The following FUT8 variants were observed in gnomAD, a reference collection of about 807,000 sequenced individuals.
The protein encoded by FUT8 is fucosyltransferase 8, also known as alpha-(1,6)-fucosyltransferase.
FUT8 carries 29 observed loss-of-function variants against 71.3 expected under a neutral mutation model. That is an observed-to-expected ratio of 0.41 (90% CI 0.30 to 0.55). The LOEUF (loss-of-function observed/expected upper bound fraction) is 0.55, where lower values mean the gene tolerates loss of function less well. FUT8 is among the 20% of genes least tolerant of loss of function. The pLI, the probability that FUT8 is intolerant of heterozygous loss-of-function variation, is 0.34. For synonymous variants in FUT8, 254 were observed against 239.3 expected, an observed-to-expected ratio of 1.06 and a Z score of -0.57; for missense variants, 544 against 702.1, an observed-to-expected ratio of 0.77 and a Z score of 2.55.
At chr14:65,526,726 C>T (rs1883496901) in intron 2 of FUT8, among the ~76,000 whole-genome samples, 1 of 152,120 alleles carries the variant, frequency 6.6e-6, no homozygotes, top group Non-Finnish European at 1.5e-5. Context: ...ATGTTTAGTG[C>T]TTCCTTCAGG....
In FUT8 at chr14:65,413,860, C is replaced by T. The variant is rs909325320; in HGVS notation, c.-326+646C>T. Among the ~76,000 whole-genome samples, 2 of 152,100 alleles carry T rather than the reference C, an allele frequency of 1.3e-5. No homozygotes were observed. Among genetic ancestry groups the T allele is most frequent in the Non-Finnish European group, 1.5e-5 (1 of 68,024 alleles). ...TATTTATCAGTTCTAGGAGGTTTGT[C>T]CTGCAGGATTGAGTGGGTTGTCGGG... On this transcript the variant is annotated intron_variant, in intron 1 of 10. Transcript: ENST00000673929. This position sits in a 1 kb window ranked among gnomAD's most constrained non-coding sequence, Gnocchi z 4.1.
chr14:65,613,569 T>C (rs1488945939), intron 3 of FUT8, among the ~76,000 whole-genome samples: 4 of 152,216 alleles, frequency 2.6e-5, no homozygotes, highest in Non-Finnish European at 5.9e-5. Flanking sequence ...TTCATTCATA[T>C]TCTGTAGCCT....
At chr14:65,617,788 A>G (rs189116333) in intron 5 of FUT8, among the ~76,000 whole-genome samples, 3 of 151,930 alleles carry the variant, frequency 2.0e-5, no homozygotes, top group African/African-American at 7.2e-5. Context: ...TACCAAAAAT[A>G]CAAAAATCAG....
intron 2 of FUT8, among the ~76,000 whole-genome samples, chr14:65,480,294 CT>C (rs1238279938): frequency 7.3e-6 from 1 of 137,536 alleles, no homozygotes; most frequent in East Asian, 2.3e-4. Context: ...CAGAAATGAA[CT>C]GTGATTTTTT....
intron 7 of FUT8, among the ~76,000 whole-genome samples, chr14:65,677,029 AT>A (rs955418300): frequency 7.9e-5 from 12 of 151,338 alleles, no homozygotes; most frequent in South Asian, 6.2e-4. Flanking sequence ...AGTTATACAT[AT>A]TTTTTTCCCT....
intron 2 of FUT8, among the ~76,000 whole-genome samples, chr14:65,551,663 A>G (rs575562810): frequency 1.8e-4 from 27 of 152,306 alleles, no homozygotes; most frequent in South Asian, 6.2e-4. Context: ...CTACTTTGCA[A>G]ACTCATCAAG....
intron 3 of FUT8, among the ~76,000 whole-genome samples, chr14:65,613,234 C>T (rs2140211996): frequency 6.6e-6 from 1 of 152,134 alleles, no homozygotes; most frequent in South Asian, 2.1e-4. Context: ...AAAAGGAGAA[C>T]CTAGACATAA....
chr14:65,536,838 G>A (rs1566809500), intron 2 of FUT8, among the ~76,000 whole-genome samples: 1 of 152,166 alleles, frequency 6.6e-6, no homozygotes, highest in Non-Finnish European at 1.5e-5. Flanking sequence ...ATCCTGAAAA[G>A]TGTTTTCCAG....
intron 3 of FUT8, among the ~76,000 whole-genome samples, chr14:65,578,557 C>A (rs140234324): frequency 2.4e-4 from 36 of 152,166 alleles, no homozygotes; most frequent in African/African-American, 8.2e-4. Flanking sequence ...GATTTTGTTG[C>A]GATTTGTTTT....
intron 3 of FUT8, among the ~76,000 whole-genome samples, chr14:65,588,468 T>C (rs1007314233): frequency 6.6e-6 from 1 of 152,222 alleles, no homozygotes; most frequent in Non-Finnish European, 1.5e-5. Flanking sequence ...GTAATTTGTG[T>C]CTGACTTTTC....
chr14:65,535,600 T>A (rs192265079), intron 2 of FUT8, among the ~76,000 whole-genome samples: 18 of 152,322 alleles, frequency 1.2e-4, no homozygotes, highest in Non-Finnish European at 1.5e-4. Flanking sequence ...GTGAGTGATT[T>A]TCTTAGTCCC....
intron 2 of FUT8, among the ~76,000 whole-genome samples, chr14:65,526,638 AT>A: frequency 6.6e-6 from 1 of 152,118 alleles, no homozygotes; most frequent in East Asian, 1.9e-4. Context: ...TTGTTAGTTG[AT>A]GCAGTTTCTT....
At chr14:65,525,070 G>A (rs1594736319) in intron 2 of FUT8, among the ~76,000 whole-genome samples, 1 of 152,124 alleles carries the variant, frequency 6.6e-6, no homozygotes, top group Non-Finnish European at 1.5e-5. Context: ...GGATGATGCT[G>A]GCCTCATAAA....
At position 65,621,905 on chromosome 14, in the gene FUT8, A is replaced by T. The variant is rs548299872; in HGVS notation, c.482+5532A>T. Among the ~76,000 whole-genome samples, 205 of 151,924 alleles carry T rather than the reference A, an allele frequency of 1.3e-3. 4 individuals are homozygous for T. Among genetic ancestry groups the T allele is most frequent in the Admixed American group, 3.5e-3 (54 of 15,244 alleles). On this transcript the variant is annotated intron_variant, in intron 5 of 10. Transcript: ENST00000673929. ...AGTGGCACGATCTTGGCTCACTGCA[A>T]CCTCCGCCTCCCAGGTTCAAGCAAT...
intron 6 of FUT8, among the ~76,000 whole-genome samples, chr14:65,655,648 G>A (rs2140335813): frequency 6.6e-6 from 1 of 152,226 alleles, no homozygotes; most frequent in African/African-American, 2.4e-5. Context: ...AATATATGAA[G>A]CAGAAACTGG....
At chr14:65,502,970 T>G (rs181703690) in intron 2 of FUT8, among the ~76,000 whole-genome samples, 1 of 152,218 alleles carries the variant, frequency 6.6e-6, no homozygotes, top group East Asian at 1.9e-4. Flanking sequence ...TTCCCTCCCT[T>G]GAGAACTACT....
upstream of FUT8, chr14:65,411,925 T>G (rs1228655128): frequency 2.4e-6 from 1 of 414,528 alleles, no homozygotes; most frequent in Non-Finnish European, 4.8e-6. Flanking sequence ...CGGTCTGGGC[T>G]GCTCTGGGGC....
At chr14:65,535,088 T>C (rs1034157813) in intron 2 of FUT8, among the ~76,000 whole-genome samples, 3 of 150,288 alleles carry the variant, frequency 2.0e-5, no homozygotes, top group African/African-American at 7.3e-5. Context: ...TTTAATTTTA[T>C]TTTTTATTTT....
chr14:65,486,356 G>A lies in FUT8; in HGVS notation c.-228+30638G>A, dbSNP rs558312810. Among the ~76,000 whole-genome samples, 5 of 152,336 alleles carry A rather than the reference G, an allele frequency of 3.3e-5. No homozygotes were observed. In the South Asian group the frequency reaches 1.0e-3, roughly 32 times the overall value. On this transcript the variant is annotated intron_variant, in intron 2 of 10. Coordinates refer to ENST00000673929, the MANE Select transcript of FUT8 (RefSeq NM_001371533.1). ...AGAATACAGAAAAATACTTAGAAATGTTTAGAGAACGCATTGTGATGAAAT... is the reference window on the plus strand; with the variant it reads ...AGAATACAGAAAAATACTTAGAAATATTTAGAGAACGCATTGTGATGAAAT...
Sources: gnomAD v4.1 joint callset for allele counts (sites outside exome capture counted in the v4.1 genomes callset) on GRCh38, gnomAD v4.1.1 for gene constraint, Gnocchi (gnomAD v3.1) non-coding constraint, MANE v1.5 for transcripts, NCBI Gene and HGNC (gene_info 2026-07-23, HGNC 2026-07-21) for gene names.